The following TRIM5 variants were observed in gnomAD, a reference collection of about 807,000 sequenced individuals.
TRIM5 encodes tripartite motif-containing protein 5.
A neutral mutation model predicts 35.6 loss-of-function variants in TRIM5; 31 were observed. That is an observed-to-expected ratio of 0.87 (90% confidence interval 0.65 to 1.18). TRIM5 has a LOEUF of 1.18. TRIM5 is among the 50% of genes most tolerant of loss of function. The probability of loss-of-function intolerance (pLI) is 0.00; values close to 1 mark genes in which losing one functional copy is unlikely to be tolerated. For missense variants in TRIM5, 609 were observed against 591.6 expected (o/e 1.03, Z -0.31); for synonymous variants, 243 against 215.6 (o/e 1.13, Z -1.11).
chr11:5,607,261 A>T, the TRIM5 span, among the ~76,000 whole-genome samples: 1 of 152,190 alleles, frequency 6.6e-6, no homozygotes, highest in Non-Finnish European at 1.5e-5. Flanking sequence ...ACATAAAGCC[A>T]ACATAAGAGA....
At chr11:5,673,996 CA>C (rs1224161572) in intron 4 of TRIM5, among the ~76,000 whole-genome samples, 2 of 151,172 alleles carry the variant, frequency 1.3e-5, no homozygotes, top group Non-Finnish European at 3.0e-5. Flanking sequence ...AAAGGAACAA[CA>C]AAAAACTCAA....
chr11:5,672,699 TAA>T (rs1431317937), intron 4 of TRIM5, among the ~76,000 whole-genome samples: 2 of 152,172 alleles, frequency 1.3e-5, no homozygotes, highest in African/African-American at 4.8e-5. Flanking sequence ...CAAAAGACAT[TAA>T]GTTTATTACA....
the TRIM5 span, among the ~76,000 whole-genome samples, chr11:5,628,554 G>C: frequency 1.3e-5 from 2 of 152,156 alleles, no homozygotes; most frequent in Non-Finnish European, 2.9e-5. Flanking sequence ...GGTTAGAGGA[G>C]TAGACAGGTC....
At chr11:5,644,768 T>C in the TRIM5 span, among the ~76,000 whole-genome samples, 1 of 152,200 alleles carries the variant, frequency 6.6e-6, no homozygotes, top group Admixed American at 6.5e-5. Flanking sequence ...ACTAGAATCC[T>C]TGAAATAGTT....
At chr11:5,606,348 AG>A in the TRIM5 span, among the ~76,000 whole-genome samples, 3 of 152,148 alleles carry the variant, frequency 2.0e-5, no homozygotes, top group East Asian at 3.9e-4. Flanking sequence ...ACTTGAACTG[AG>A]GTTGAAATTC....
At chr11:5,616,039 C>T in the TRIM5 span, among the ~76,000 whole-genome samples, 4 of 151,250 alleles carry the variant, frequency 2.6e-5, no homozygotes, top group African/African-American at 9.7e-5. Flanking sequence ...CAAGCTCCGC[C>T]TCCCGGGTTC....
the TRIM5 span, among the ~76,000 whole-genome samples, chr11:5,625,397 TCTCA>T: frequency 2.0e-5 from 3 of 152,192 alleles, no homozygotes; most frequent in African/African-American, 7.2e-5. Context: ...TCTTTCTCTC[TCTCA>T]AAGAGATGAA....
At chr11:5,627,503 CT>C in the TRIM5 span, among the ~76,000 whole-genome samples, 4 of 152,266 alleles carry the variant, frequency 2.6e-5, no homozygotes, top group South Asian at 8.3e-4. Flanking sequence ...TGAAAAAAAA[CT>C]CTTTCAGCAT....
the TRIM5 span, among the ~76,000 whole-genome samples, chr11:5,635,254 A>ATTTT: frequency 2.3e-5 from 3 of 128,320 alleles, no homozygotes; most frequent in African/African-American, 5.8e-5. Context: ...TTCCCTGTTA[A>ATTTT]TTTTTTTTTT....
chr11:5,680,437 C>T (rs1430886429), intron 1 of TRIM5, among the ~76,000 whole-genome samples, 199 bp from the exon 2 acceptor site: 1 of 152,212 alleles, frequency 6.6e-6, no homozygotes. Flanking sequence ...CAGTTCATGT[C>T]ATATGACAAA....
At chr11:5,639,610 G>A in the TRIM5 span, among the ~76,000 whole-genome samples, 77 of 148,676 alleles carry the variant, frequency 5.2e-4, no homozygotes, top group African/African-American at 1.8e-3. Flanking sequence ...AACCGGGGAG[G>A]TGGAGGTTGC....
At chr11:5,678,173 C>T (rs1852138929) in intron 4 of TRIM5, 31 bp downstream of exon 4, 2 of 1,559,642 alleles carry the variant, frequency 1.3e-6, no homozygotes, top group Admixed American at 3.7e-5. Flanking sequence ...TTTCTTTAAT[C>T]TCAGTGCTCA....
At chr11:5,644,534 G>T in the TRIM5 span, 5 of 331,134 alleles carry the variant, frequency 1.5e-5, no homozygotes, top group Middle Eastern at 8.1e-4. Context: ...TTGTTTTATA[G>T]AACTTTTTAT....
chr11:5,665,336 G>A lies in TRIM5; in HGVS notation c.955C>T (p.Gln319Ter). 6.2e-7 allele frequency: 1 copy of A among 1,613,788 alleles called. No homozygotes were observed. The highest frequency in any genetic ancestry group is 8.5e-7 in the Non-Finnish European group (1 of 1,179,944). ...SCAVISEDKR[Q>*]VSSPKPQIIY... ...ATCTGTGGTTTCGGAGAGCTCACTT[G>A]TCTCTTATCTTCAGAAATGACAGCA... The change falls in exon 8 of 8, where the codon CAA becomes TAA. Residue 319 changes from glutamine (Q) to a stop codon, truncating the protein, a stop_gained. Transcript: ENST00000380034. LOFTEE classifies it low-confidence loss of function (END_TRUNC).
the TRIM5 span, among the ~76,000 whole-genome samples, chr11:5,592,926 A>AAG: frequency 1.5e-5 from 2 of 132,422 alleles, no homozygotes; most frequent in African/African-American, 6.6e-5. Flanking sequence ...AAAAAAAAAA[A>AAG]AAAAGAAAAA....
chr11:5,619,095 C>G, the TRIM5 span, among the ~76,000 whole-genome samples: 8 of 152,234 alleles, frequency 5.3e-5, no homozygotes, highest in South Asian at 1.7e-3. Flanking sequence ...AAACGACCAG[C>G]TTTGTGTATG....
the TRIM5 span, among the ~76,000 whole-genome samples, chr11:5,630,367 TTCTC>T: frequency 6.6e-6 from 1 of 152,140 alleles, no homozygotes; most frequent in African/African-American, 2.4e-5. Context: ...CCTCATCTGC[TTCTC>T]TCTGTTAACT....
chr11:5,678,357 G>A lies in TRIM5; in HGVS notation c.591C>T (p.Ser197=), dbSNP rs1278758152. Residue 197 remains serine (S), a synonymous_variant, in exon 4 of 8, where the codon AGC becomes AGT. Coordinates refer to ENST00000380034, the MANE Select transcript of TRIM5 (RefSeq NM_033034.3). Reference sequence around the variant, plus strand: ...CCTTCTCCAGGTTTTGCAGCTCATTGCTCTCCTCCCAGTCCAGGATGTCTC... The same window carrying A: ...CCTTCTCCAGGTTTTGCAGCTCATTACTCTCCTCCCAGTCCAGGATGTCTC... ...QLRDILDWEE[S]NELQNLEKEE... 6.2e-7 allele frequency: 1 copy of A among 1,613,138 alleles called. No individual in the cohort carries two copies. The highest frequency in any genetic ancestry group is 1.3e-5 in the African/African-American group (1 of 74,994).
the TRIM5 span, among the ~76,000 whole-genome samples, chr11:5,630,846 C>T: frequency 1.3e-5 from 2 of 152,118 alleles, no homozygotes; most frequent in African/African-American, 2.4e-5. Context: ...TGGCTAATAC[C>T]ATCTGTTCAT....
Sources: allele counts gnomAD v4.1 joint callset (sites outside exome capture counted in the v4.1 genomes callset), GRCh38; gene constraint gnomAD v4.1.1; transcripts MANE v1.5; gene names NCBI Gene and HGNC (gene_info 2026-07-23, HGNC 2026-07-21).